Variants in ETV7 observed in about 807,000 individuals in gnomAD.
The protein encoded by ETV7 is ETS variant transcription factor 7.
In ETV7, 43 loss-of-function variants were observed where a neutral mutation model predicts 39.1. The observed-to-expected ratio is 1.10, with a 90% CI of 0.86 to 1.42. The LOEUF (loss-of-function observed/expected upper bound fraction) is 1.42, where lower values mean the gene tolerates loss of function less well. Ranked by LOEUF, ETV7 falls within the 40% of genes most tolerant of loss-of-function variation. ETV7 has a pLI of 0.00. For missense variants in ETV7, 432 were observed against 442.3 expected (o/e 0.98, Z 0.21); for synonymous variants, 196 against 176.6 (o/e 1.11, Z -0.87).
intron 4 of ETV7, 137 bp downstream of exon 4, chr6:36,373,316 A>AG (rs1247033801): frequency 7.6e-6 from 7 of 923,146 alleles, no homozygotes; most frequent in Non-Finnish European, 9.9e-6. Context: ...GCCCCAGAGC[A>AG]GGAGGTGGGG....
rs1233438987 is a variant in ETV7, at chr6:36,368,952, C to T, written c.784G>A (p.Ala262Thr). The T allele has an allele frequency of 4.3e-6, 7 of 1,614,024 alleles. No homozygotes were observed. The highest frequency in any genetic ancestry group is 3.4e-6 in the Non-Finnish European group (4 of 1,180,034). Residue 262 changes from alanine to threonine, a missense_variant, in exon 6 of 8, where the codon GCC (alanine) becomes ACC (threonine). Transcript: ENST00000340181. ...IFRVVDPNGL[A>T]RLWGNHKNRV... Reference sequence around the variant, plus strand: ...ACCTTGTGATTTCCCCAGAGTCTGGCGAGCCCATTTGGATCCACAACTCGG... The same window carrying T: ...ACCTTGTGATTTCCCCAGAGTCTGGTGAGCCCATTTGGATCCACAACTCGG...
At chr6:36,360,243 C>CTCT (rs1772452322) in intron 7 of ETV7, among the ~76,000 whole-genome samples, 1 of 152,160 alleles carries the variant, frequency 6.6e-6, no homozygotes, top group Non-Finnish European at 1.5e-5. Context: ...GGTAGAGAGG[C>CTCT]TCTGACATGC....
intron 7 of ETV7, 49 bp downstream of exon 7, chr6:36,366,826 C>T (rs1245627825): frequency 1.2e-6 from 2 of 1,612,918 alleles, no homozygotes; most frequent in African/African-American, 2.7e-5. Flanking sequence ...TCCAGCCCAC[C>T]CAACCCCAGT....
chr6:36,376,170 T>C, intron 2 of ETV7, 135 bp from the exon 3 acceptor site: 3 of 703,694 alleles, frequency 4.3e-6, no homozygotes, highest in Non-Finnish European at 4.6e-6. Flanking sequence ...CTGCCACCTG[T>C]TTCTTTCCTT....
rs2127392688 is a variant in ETV7, at chr6:36,373,508, A to G, written c.378T>C (p.Phe126=). The G allele has an allele frequency of 6.4e-7, 1 of 1,572,124 alleles. No homozygotes were observed. The change falls in exon 4 of 8, where the codon TTT becomes TTC. Residue 126 remains phenylalanine (F), a synonymous_variant. Coordinates refer to ENST00000340181, the MANE Select transcript of ETV7 (RefSeq NM_016135.4). ...GCGTCTTCAGCCTGAAGATCCCTCCAAAAAAGGGCCCACACACCAGGGCTC... is the reference window on the plus strand; with the variant it reads ...GCGTCTTCAGCCTGAAGATCCCTCCGAAAAAGGGCCCACACACCAGGGCTC... ...QRRALVCGPF[F]GGIFRLKTPT...
chr6:36,357,746 C>T (rs1008780336), intron 7 of ETV7, among the ~76,000 whole-genome samples: 1 of 152,066 alleles, frequency 6.6e-6, no homozygotes, highest in African/African-American at 2.4e-5. Context: ...AGTTTGGTGG[C>T]ACACACCTGT....
rs1561908594 is a variant in ETV7 at position 36,373,457 on chromosome 6, CG to C, written c.428del (p.Pro143ArgfsTer4). ...CACCACAGAGAGCTTCCTCACCTTC[CG>C]GGGGGACTGGAGAGTGCTGGGTGGG... ...KTPTQHSPVP[P>X]EEVTGPSQMD... is the part of the protein sequence containing the mutation. On this transcript the variant is annotated frameshift_variant, in exon 4 of 8. Transcript: ENST00000340181. LOFTEE classifies it high-confidence loss of function. 3.9e-6 allele frequency: 6 copies of C among 1,558,072 alleles called. No homozygotes were observed. The highest frequency in any genetic ancestry group is 2.5e-5 in the East Asian group (1 of 40,700).
downstream of ETV7, among the ~76,000 whole-genome samples, chr6:36,364,424 G>T (rs1236160427): frequency 6.6e-6 from 1 of 152,244 alleles, no homozygotes; most frequent in African/African-American, 2.4e-5. Context: ...AGCGCCGGTG[G>T]GCTGGCACTG....
Position 36,385,549 on chromosome 6 carries a change from G to A in ETV7, c.127C>T (p.Leu43=). The stretch of plus-strand genomic sequence containing the variant: ...CTCTACTTACGGAGTCTTCCTGGCA[G>A]CTTGCAGATCCCCCCTTCACCCAGC... The part of the protein sequence containing the change: ...NLLGEGGICK[L]PGRLRIQPAL... The change falls in exon 2 of 8, where the codon CTG becomes TTG. Residue 43 remains leucine, a synonymous_variant. Coordinates refer to ENST00000340181, the MANE Select transcript of ETV7 (RefSeq NM_016135.4). The A allele has an allele frequency of 6.2e-7, 1 of 1,614,200 alleles. No homozygotes were observed. Among genetic ancestry groups the A allele is most frequent in the Middle Eastern group, 1.6e-4 (1 of 6,062 alleles).
In ETV7 at chr6:36,368,992, C is replaced by T. The variant is rs774357145; in HGVS notation, c.744G>A (p.Lys248=). Residue 248 remains lysine, a synonymous_variant, in exon 6 of 8, where the codon AAG becomes AAA. Transcript: ENST00000340181. ...RYEPYIKWED[K]DAKIFRVVDP... ...CCACAACTCGGAAGATCTTGGCGTC[C>T]TTGTCTTCCCACTTGATGTAGGGCT... 3 of 1,614,156 alleles carry T rather than the reference C, an allele frequency of 1.9e-6. No homozygotes were observed. The highest frequency in any genetic ancestry group is 2.5e-6 in the Non-Finnish European group (3 of 1,180,014).
chr6:36,385,443 G>A, intron 2 of ETV7, 91 bp downstream of exon 2: 1 of 1,533,492 alleles, frequency 6.5e-7, no homozygotes, highest in South Asian at 1.1e-5. Context: ...CTGCACTCTA[G>A]CCTAAGTAAG....
At chr6:36,386,835 C>A (rs1050284388) in intron 1 of ETV7, 1 of 152,678 alleles carries the variant, frequency 6.5e-6, no homozygotes, top group Non-Finnish European at 1.5e-5. Context: ...GGGAAGCTTG[C>A]CTTGCTGGAG....
rs913354726 is a variant in ETV7 at position 36,366,423 on chromosome 6, T to A, written c.*222A>T. ...TGCAGTAGGGGAGAGTCCATTCCCC[T>A]GTACCTCATTTAGCCCCAGGATTGC... On this transcript the variant is annotated 3_prime_UTR_variant, in exon 8 of 8. Transcript: ENST00000340181. 3.8e-5 allele frequency: 54 copies of A among 1,409,372 alleles called. No homozygotes were observed. The highest frequency in any genetic ancestry group is 4.8e-5 in the Non-Finnish European group (52 of 1,083,496). The allele number at this position is 1,409,372 out of a possible 1,614,324, so 87.3% of individuals were successfully genotyped here. A position where few individuals can be genotyped will look rare whatever the true frequency, so the allele number is the denominator to read the frequency against.
rs1461350471 is a variant in ETV7 at position 36,378,239 on chromosome 6, G to GAAA, written c.143-2205_143-2204insTTT. Among the ~76,000 whole-genome samples, 3 of 57,594 alleles carry GAAA rather than the reference G, an allele frequency of 5.2e-5. 1 individual carries two copies. The highest frequency in any genetic ancestry group is 5.8e-5 in the Non-Finnish European group (2 of 34,610). 37.8% of individuals were successfully genotyped at this position (57,594 alleles called of 152,430 possible). The stretch of plus-strand genomic sequence containing the variant: ...AGGGAAAGGATAGTTAATCTAATAT[G>GAAA]GAAAAAAAAAAAAAAAACCTGACTC... On this transcript the variant is annotated intron_variant, in intron 2 of 7. Transcript: ENST00000340181.
chr6:36,371,550 G>A lies in ETV7; in HGVS notation c.444C>T (p.Gly148=), dbSNP rs1381275686. The change falls in exon 5 of 8, where the codon GGC becomes GGT. Residue 148 remains glycine, a synonymous_variant. Transcript: ENST00000340181. Reference sequence around the variant, plus strand: ...CCCTTCGGGTGTCCATCTGAGAGGGGCCAGTCACCTCTGCAAGCAGATGAG... The same window carrying A: ...CCCTTCGGGTGTCCATCTGAGAGGGACCAGTCACCTCTGCAAGCAGATGAG... The part of the protein sequence containing the change: ...HSPVPPEEVT[G]PSQMDTRRGH... 5.0e-6 allele frequency: 8 copies of A among 1,589,240 alleles called. No homozygotes were observed. The highest frequency in any genetic ancestry group is 6.0e-6 in the Non-Finnish European group (7 of 1,169,794).
rs1772751853 is a variant in ETV7, at chr6:36,366,892, C to T, written c.891G>A (p.Gly297=). The T allele has an allele frequency of 1.9e-6, 3 of 1,614,024 alleles. No homozygotes were observed. The highest frequency in any genetic ancestry group is 2.5e-6 in the Non-Finnish European group (3 of 1,179,990). The part of the protein sequence containing the change: ...YKLNIIKKEP[G]QKLLFRFLKT... ...CCACTCACCTGAACAGGAGTTTCTGCCCCGGTTCCTTCTTAATGATATTAA... is the reference window on the plus strand; with the variant it reads ...CCACTCACCTGAACAGGAGTTTCTGTCCCGGTTCCTTCTTAATGATATTAA... Residue 297 remains glycine (G), a synonymous_variant, in exon 7 of 8, where the codon GGG becomes GGA. Coordinates refer to ENST00000340181, the MANE Select transcript of ETV7 (RefSeq NM_016135.4).
intron 7 of ETV7, among the ~76,000 whole-genome samples, chr6:36,358,461 CA>C (rs1772395561): frequency 6.6e-6 from 1 of 152,200 alleles, no homozygotes; most frequent in South Asian, 2.1e-4. Context: ...GTTCTTATTG[CA>C]AATCACTTTA....
At chr6:36,362,301 C>CAA (rs35241955), downstream of ETV7, among the ~76,000 whole-genome samples, 41 of 135,222 alleles carry the variant, frequency 3.0e-4, 1 homozygote, top group East Asian at 3.0e-3. Flanking sequence ...GACTCTGTCT[C>CAA]AAAAAAAAAA....
At chr6:36,356,749 C>T (rs542755732) in intron 7 of ETV7, among the ~76,000 whole-genome samples, 2 of 152,336 alleles carry the variant, frequency 1.3e-5, no homozygotes, top group South Asian at 2.1e-4. Flanking sequence ...AAAAGAGTTA[C>T]TCCCAGAGAC....
Sources: gnomAD v4.1 joint callset for allele counts (sites outside exome capture counted in the v4.1 genomes callset) on GRCh38, gnomAD v4.1.1 for gene constraint, MANE v1.5 for transcripts, NCBI Gene and HGNC (gene_info 2026-07-23, HGNC 2026-07-21) for gene names.